ELOVL6: variants seen among roughly 807,000 people sequenced by gnomAD.
ELOVL6 encodes the protein ELOVL fatty acid elongase 6.
In ELOVL6, 8 loss-of-function variants were observed where a neutral mutation model predicts 31.7. The observed-to-expected ratio is 0.25, with a 90% CI of 0.15 to 0.45. The LOEUF (loss-of-function observed/expected upper bound fraction) is 0.45. ELOVL6 is among the 20% of genes least tolerant of loss of function. The pLI, the probability that ELOVL6 is intolerant of heterozygous loss-of-function variation, is 1.00. For synonymous variants in ELOVL6, 101 were observed against 117.7 expected, an observed-to-expected ratio of 0.86 and a Z score of 0.92; for missense variants, 126 against 326.4, an observed-to-expected ratio of 0.39 and a Z score of 4.73.
chr4:110,074,753 C>T (rs1351183273), intron 2 of ELOVL6, among the ~76,000 whole-genome samples: 2 of 152,056 alleles, frequency 1.3e-5, no homozygotes, highest in Non-Finnish European at 2.9e-5. Flanking sequence ...AACTTATAGG[C>T]AGGAAGAACT....
At chr4:110,121,085 G>A (rs1215629339) in intron 1 of ELOVL6, among the ~76,000 whole-genome samples, 4 of 152,180 alleles carry the variant, frequency 2.6e-5, no homozygotes, top group African/African-American at 9.7e-5. Flanking sequence ...ACAGGCCTGA[G>A]CCTGTAATGG....
rs143558519 is a variant in ELOVL6, at chr4:110,191,741, C to T, written c.89+6506G>A. Among the ~76,000 whole-genome samples the T allele has an allele frequency of 3.8e-3, 584 of 152,112 alleles. 2 individuals carry two copies. The highest frequency in any genetic ancestry group is 6.8e-3 in the Middle Eastern group (2 of 294). ...CCTGTAATCCCACCTACTCAGGAGGCTGAGGCTTGAACCCAGGAAGCAGAG... is the reference window on the plus strand; with the variant it reads ...CCTGTAATCCCACCTACTCAGGAGGTTGAGGCTTGAACCCAGGAAGCAGAG... On this transcript the variant is annotated intron_variant, in intron 1 of 3. Transcript: ENST00000302274.
chr4:110,081,904 AC>A (rs1176594369), intron 2 of ELOVL6, among the ~76,000 whole-genome samples: 4 of 151,074 alleles, frequency 2.6e-5, no homozygotes, highest in Non-Finnish European at 5.9e-5. Flanking sequence ...CAAGAAAAAA[AC>A]AAACAGCCCC....
chr4:110,178,951 C>A (rs1337786948), intron 1 of ELOVL6, among the ~76,000 whole-genome samples: 1 of 152,126 alleles, frequency 6.6e-6, no homozygotes, highest in Non-Finnish European at 1.5e-5. Flanking sequence ...AAATTTTCTA[C>A]AATGTATTAA....
At chr4:110,124,450 C>T (rs1009817335) in intron 1 of ELOVL6, among the ~76,000 whole-genome samples, 3 of 152,124 alleles carry the variant, frequency 2.0e-5, no homozygotes, top group African/African-American at 7.2e-5. Flanking sequence ...CAAACTAACA[C>T]AGGAACAGAA....
At chr4:110,195,589 G>A (rs1759749481) in intron 1 of ELOVL6, among the ~76,000 whole-genome samples, 1 of 152,104 alleles carries the variant, frequency 6.6e-6, no homozygotes, top group African/African-American at 2.4e-5. Flanking sequence ...AGTTGCAAGG[G>A]AGGGGTAACA....
intron 1 of ELOVL6, among the ~76,000 whole-genome samples, chr4:110,194,706 T>C (rs1292865288): frequency 6.6e-6 from 1 of 152,188 alleles, no homozygotes; most frequent in Non-Finnish European, 1.5e-5. Flanking sequence ...TAACATTAAT[T>C]TGCGCTATGG....
intron 1 of ELOVL6, among the ~76,000 whole-genome samples, chr4:110,110,327 A>G (rs1333035329): frequency 1.3e-5 from 2 of 151,878 alleles, no homozygotes; most frequent in Non-Finnish European, 2.9e-5. Flanking sequence ...TAATTCTGCC[A>G]CATTCTTAAG....
chr4:110,077,257 G>C (rs1346407970), intron 2 of ELOVL6, among the ~76,000 whole-genome samples: 1 of 152,192 alleles, frequency 6.6e-6, no homozygotes, highest in South Asian at 2.1e-4. Flanking sequence ...CTCCCAGCAC[G>C]CAGCTGGAGA....
At chr4:110,071,009 G>A (rs1055058335) in intron 2 of ELOVL6, among the ~76,000 whole-genome samples, 1 of 152,126 alleles carries the variant, frequency 6.6e-6, no homozygotes, top group African/African-American at 2.4e-5. Flanking sequence ...TCTGTATAGA[G>A]TCTTCCCCCA....
At chr4:110,152,395 A>T (rs1249245334) in intron 1 of ELOVL6, among the ~76,000 whole-genome samples, 1 of 152,216 alleles carries the variant, frequency 6.6e-6, no homozygotes, top group African/African-American at 2.4e-5. Flanking sequence ...AGAATTATAA[A>T]ACCTTTACTT....
At position 110,050,201 on chromosome 4, in the gene ELOVL6, C is replaced by G. The variant is rs1010545384; in HGVS notation, c.*1137G>C. 21 of 152,520 alleles carry G rather than the reference C, an allele frequency of 1.4e-4. No individual in the cohort carries two copies. The highest frequency in any genetic ancestry group is 2.8e-4 in the Non-Finnish European group (19 of 68,026). 9.4% of individuals were successfully genotyped at this position (152,520 alleles called of 1,614,324 possible). Reference sequence around the variant, plus strand: ...GATGATGCAGAAACACAGTGTTCCCCCAATATTTCGAACAGCCCTGTGATT... The same window carrying G: ...GATGATGCAGAAACACAGTGTTCCCGCAATATTTCGAACAGCCCTGTGATT... On this transcript the variant is annotated 3_prime_UTR_variant, in exon 4 of 4. Coordinates refer to ENST00000302274, the MANE Select transcript of ELOVL6 (RefSeq NM_024090.3).
chr4:110,065,105 T>A (rs142269929), intron 2 of ELOVL6, among the ~76,000 whole-genome samples: 19 of 152,324 alleles, frequency 1.2e-4, no homozygotes, highest in African/African-American at 4.3e-4. Context: ...AATATATATG[T>A]ATAACAAAAA....
At chr4:110,191,509 A>T (rs1040981108) in intron 1 of ELOVL6, among the ~76,000 whole-genome samples, 1 of 152,192 alleles carries the variant, frequency 6.6e-6, no homozygotes, top group Non-Finnish European at 1.5e-5. Flanking sequence ...CCTATTAATA[A>T]AGGACAGTTT....
At chr4:110,130,700 T>C (rs1327481486) in intron 1 of ELOVL6, among the ~76,000 whole-genome samples, 1 of 152,204 alleles carries the variant, frequency 6.6e-6, no homozygotes, top group Non-Finnish European at 1.5e-5. Context: ...GATTGGATAG[T>C]TCCCTTTAAG....
intron 1 of ELOVL6, among the ~76,000 whole-genome samples, chr4:110,149,631 A>G (rs62326599): frequency 0.044 from 6,712 of 152,290 alleles, 213 homozygotes; most frequent in South Asian, 0.11. Context: ...ATGGGGTGAT[A>G]GATGATGGCA....
chr4:110,064,823 G>A (rs1016797678), intron 2 of ELOVL6, among the ~76,000 whole-genome samples: 4 of 152,086 alleles, frequency 2.6e-5, no homozygotes, highest in African/African-American at 9.7e-5. Flanking sequence ...CTTTCAATAG[G>A]TGCCTGGCCA....
chr4:110,097,123 T>C lies in ELOVL6; in HGVS notation c.221+8374A>G, dbSNP rs1756601347. 2.6e-5 allele frequency among the ~76,000 whole-genome samples: 4 copies of C among 152,086 alleles called. No homozygotes were observed. In the South Asian group the frequency reaches 8.3e-4, roughly 32 times the overall value. ...GAGTTCAAGACCAGCCTGGCCAAGA[T>C]GGCGAAACCCTGCCTCTACTAAAAA... On this transcript the variant is annotated intron_variant, in intron 2 of 3. Coordinates refer to ENST00000302274, the MANE Select transcript of ELOVL6 (RefSeq NM_024090.3).
chr4:110,056,573 T>A (rs751827136), intron 3 of ELOVL6, among the ~76,000 whole-genome samples: 8 of 152,064 alleles, frequency 5.3e-5, no homozygotes, highest in Non-Finnish European at 8.8e-5. Flanking sequence ...GAAAATTATC[T>A]CTATAAAGGG....
Sources: gnomAD v4.1 joint callset for allele counts (sites outside exome capture counted in the v4.1 genomes callset) on GRCh38, gnomAD v4.1.1 for gene constraint, MANE v1.5 for transcripts, NCBI Gene and HGNC (gene_info 2026-07-23, HGNC 2026-07-21) for gene names.